The following CTIF variants were observed in gnomAD, a reference collection of about 807,000 sequenced individuals.
The protein encoded by CTIF is cap binding complex dependent translation initiation factor.
Under a neutral mutation model 66.0 loss-of-function variants are expected in CTIF, and 21 were observed. That is an observed-to-expected ratio of 0.32 (90% CI 0.23 to 0.46). CTIF has a LOEUF of 0.46. Ranked by LOEUF, CTIF falls within the 20% of genes least tolerant of loss-of-function variation. The pLI is 1.00. For synonymous variants in CTIF, 345 were observed against 326.4 expected, an observed-to-expected ratio of 1.06 and a Z score of -0.62; for missense variants, 739 against 812.7, an observed-to-expected ratio of 0.91 and a Z score of 1.10.
chr18:48,650,201 G>C (rs1351212109), intron 3 of CTIF, among the ~76,000 whole-genome samples: 1 of 152,202 alleles, frequency 6.6e-6, no homozygotes, highest in African/African-American at 2.4e-5. Context: ...GAGGATGTTT[G>C]AACCCATCAT....
chr18:48,684,497 A>G, intron 6 of CTIF, among the ~76,000 whole-genome samples: 1 of 152,076 alleles, frequency 6.6e-6, no homozygotes, highest in East Asian at 1.9e-4. Flanking sequence ...GTTCTTTTTA[A>G]GTATATCAAT....
rs199529665 is a variant in CTIF at position 48,617,873 on chromosome 18, G to T, written c.-28-1665G>T. Reference sequence around the variant, plus strand: ...GCTCCAAGGTTGCTGAGCTCAGGGGGCCCAGAGCGAGGCCCTGCAGCACCT... The same window carrying T: ...GCTCCAAGGTTGCTGAGCTCAGGGGTCCCAGAGCGAGGCCCTGCAGCACCT... On this transcript the variant is annotated intron_variant, in intron 1 of 11. Coordinates refer to ENST00000256413, the MANE Select transcript of CTIF (RefSeq NM_014772.3). Among the ~76,000 whole-genome samples, 141 of 146,684 alleles carry T rather than the reference G, an allele frequency of 9.6e-4. 3 individuals carry two copies. The highest frequency in any genetic ancestry group is 3.5e-3 in the African/African-American group (138 of 39,704).
At position 48,589,028 on chromosome 18, in the gene CTIF, G is replaced by A. The variant is rs1230051716; in HGVS notation, c.-28-30510G>A. Among the ~76,000 whole-genome samples the A allele has an allele frequency of 4.6e-5, 7 of 152,144 alleles. No individual in the cohort carries two copies. In the South Asian group the frequency reaches 1.0e-3, roughly 23 times the overall value. On this transcript the variant is annotated intron_variant, in intron 1 of 11. Coordinates refer to ENST00000256413, the MANE Select transcript of CTIF (RefSeq NM_014772.3). The stretch of plus-strand genomic sequence containing the variant: ...CAAGACCCTTGGGCTGCATGTCGGA[G>A]CAAATCCAGCCCAACTTTTTAAGAA...
At chr18:48,776,277 G>A (rs1359635161) in intron 9 of CTIF, among the ~76,000 whole-genome samples, 1 of 152,220 alleles carries the variant, frequency 6.6e-6, no homozygotes, top group African/African-American at 2.4e-5. Context: ...GCCCCTCTTT[G>A]TGCACCAGCT....
At chr18:48,690,165 C>A (rs1010592401) in intron 6 of CTIF, among the ~76,000 whole-genome samples, 5 of 152,114 alleles carry the variant, frequency 3.3e-5, no homozygotes, top group Admixed American at 1.3e-4. Flanking sequence ...CTCCACCCCA[C>A]CCCGTCCTTC....
At chr18:48,751,067 CGAAAGCCATGCCT>C (rs1568187375) in intron 7 of CTIF, among the ~76,000 whole-genome samples, 1 of 152,176 alleles carries the variant, frequency 6.6e-6, no homozygotes, top group Non-Finnish European at 1.5e-5. Flanking sequence ...TGGGGTTGAA[CGAAAGCCATGCCT>C]GGCTTACTGT....
chr18:48,691,172 G>A (rs776830489), intron 6 of CTIF, among the ~76,000 whole-genome samples: 2 of 152,176 alleles, frequency 1.3e-5, no homozygotes, highest in Non-Finnish European at 2.9e-5. Context: ...CCACTCTGCC[G>A]GCATTGTTTC....
intron 1 of CTIF, among the ~76,000 whole-genome samples, chr18:48,542,398 G>A (rs1202123880): frequency 6.6e-6 from 1 of 152,246 alleles, no homozygotes; most frequent in African/African-American, 2.4e-5. Context: ...ATTCATGCAT[G>A]TGAAGGCTGT....
At chr18:48,714,549 C>G (rs1029088565) in intron 7 of CTIF, among the ~76,000 whole-genome samples, 10 of 152,230 alleles carry the variant, frequency 6.6e-5, no homozygotes, top group African/African-American at 2.4e-4. Context: ...AAGCTAGGAG[C>G]ATGCAATTTC....
chr18:48,611,558 A>G (rs1040563685), intron 1 of CTIF, among the ~76,000 whole-genome samples: 1 of 152,218 alleles, frequency 6.6e-6, no homozygotes, highest in African/African-American at 2.4e-5. Flanking sequence ...GATCTTGTCT[A>G]TTTCAAGTGT....
At chr18:48,858,205 G>A (rs1421521451) in intron 11 of CTIF, among the ~76,000 whole-genome samples, 1 of 152,242 alleles carries the variant, frequency 6.6e-6, no homozygotes, top group East Asian at 1.9e-4. Context: ...AGGCAGGAGA[G>A]GGGCTTCCAG....
chr18:48,604,168 G>GTTTTTTTTTTT (rs34544217), intron 1 of CTIF, among the ~76,000 whole-genome samples: 2 of 63,264 alleles, frequency 3.2e-5, no homozygotes, highest in African/African-American at 7.4e-5. Context: ...TTTTTTAAGG[G>GTTTTTTTTTTT]TTTTTTTTTT....
chr18:48,603,498 G>GAA (rs1296533139), intron 1 of CTIF, among the ~76,000 whole-genome samples: 1 of 146,268 alleles, frequency 6.8e-6, no homozygotes, highest in South Asian at 2.2e-4. Context: ...TGGGTGGGTG[G>GAA]GTGGATGGAT....
chr18:48,820,695 G>A (rs1470094550), intron 10 of CTIF, among the ~76,000 whole-genome samples: 2 of 152,072 alleles, frequency 1.3e-5, no homozygotes, highest in African/African-American at 4.8e-5. Context: ...CGGCCTTTCC[G>A]CTGTCAAGTC....
chr18:48,551,199 C>T (rs1311981186), intron 1 of CTIF, among the ~76,000 whole-genome samples: 1 of 151,262 alleles, frequency 6.6e-6, no homozygotes, highest in Non-Finnish European at 1.5e-5. Context: ...TGTGAGGATG[C>T]AACGAGAAGG....
intron 1 of CTIF, among the ~76,000 whole-genome samples, chr18:48,618,904 G>A (rs1366461486): frequency 6.6e-6 from 1 of 152,226 alleles, no homozygotes; most frequent in East Asian, 1.9e-4. Context: ...TTCTCGTTCT[G>A]CCAGTGAAAT....
rs1317012845 is a variant in CTIF, at chr18:48,862,655, T to C, written c.*3096T>C. ...ATGTTGGCCGAGTCGGTATTTATTCTGATTGATTTTTATTTTATTCTATTA... is the reference window on the plus strand; with the variant it reads ...ATGTTGGCCGAGTCGGTATTTATTCCGATTGATTTTTATTTTATTCTATTA... On this transcript the variant is annotated 3_prime_UTR_variant, in exon 12 of 12. Transcript: ENST00000256413. 5 of 132,460 alleles carry C rather than the reference T, an allele frequency of 3.8e-5. No individual in the cohort carries two copies. Among genetic ancestry groups the C allele is most frequent in the Non-Finnish European group, 1.5e-5 (1 of 67,386 alleles). 8.2% of individuals were successfully genotyped at this position (132,460 alleles called of 1,614,324 possible). A position where few individuals can be genotyped will look rare whatever the true frequency, so the allele number is the denominator to read the frequency against.
chr18:48,607,544 A>G (rs1057062774), intron 1 of CTIF, among the ~76,000 whole-genome samples: 6 of 152,190 alleles, frequency 3.9e-5, no homozygotes, highest in Non-Finnish European at 1.5e-5. Context: ...TGAAACTGTC[A>G]AAAAGAGGAA....
At chr18:48,733,522 T>G (rs2092473505) in intron 7 of CTIF, among the ~76,000 whole-genome samples, 1 of 152,082 alleles carries the variant, frequency 6.6e-6, no homozygotes, top group African/African-American at 2.4e-5. Flanking sequence ...GAACATCCTG[T>G]GGCTGGGGAG....
Sources: gnomAD v4.1 joint callset for allele counts (sites outside exome capture counted in the v4.1 genomes callset) on GRCh38, gnomAD v4.1.1 for gene constraint, MANE v1.5 for transcripts, NCBI Gene and HGNC (gene_info 2026-07-23, HGNC 2026-07-21) for gene names.